PIAS2: variants seen among roughly 807,000 people sequenced by gnomAD.
PIAS2 encodes E3 SUMO-protein ligase PIAS2.
A neutral mutation model predicts 69.7 loss-of-function variants in PIAS2; 19 were observed. The observed-to-expected ratio is 0.27, with a 90% confidence interval of 0.19 to 0.40. The LOEUF (loss-of-function observed/expected upper bound fraction) is 0.40. Among genes scored for constraint, PIAS2 ranks in the 10% least tolerant of loss-of-function variants. The pLI is 1.00. For synonymous variants in PIAS2, 261 were observed against 263.2 expected, an observed-to-expected ratio of 0.99 and a Z score of 0.08; for missense variants, 624 against 757.0, an observed-to-expected ratio of 0.82 and a Z score of 2.06.
At chr18:46,821,641 A>G (rs2042193645) in intron 11 of PIAS2, among the ~76,000 whole-genome samples, 1 of 152,140 alleles carries the variant, frequency 6.6e-6, no homozygotes, top group Non-Finnish European at 1.5e-5. Context: ...AGAAACGAGG[A>G]TGAGTGTTCA....
intron 8 of PIAS2, among the ~76,000 whole-genome samples, chr18:46,837,781 T>C (rs528001841): frequency 6.6e-6 from 1 of 152,288 alleles, no homozygotes; most frequent in East Asian, 1.9e-4. Flanking sequence ...ATATATTTCC[T>C]TTACAGAAAA....
At chr18:46,818,563 T>A in intron 12 of PIAS2, 2 of 921,580 alleles carry the variant, frequency 2.2e-6, no homozygotes, top group Non-Finnish European at 2.8e-6. Flanking sequence ...TATAAATTAT[T>A]AAGTTTATCA....
chr18:46,864,491 C>T (rs1485118331), intron 2 of PIAS2, among the ~76,000 whole-genome samples: 1 of 152,170 alleles, frequency 6.6e-6, no homozygotes, highest in African/African-American at 2.4e-5. Flanking sequence ...CTAATGCAGG[C>T]TGGGTGCAGT....
At chr18:46,815,841 T>C (rs1237777439) in intron 12 of PIAS2, 2 of 990,030 alleles carry the variant, frequency 2.0e-6, no homozygotes, top group African/African-American at 1.7e-5. Flanking sequence ...GAGCAGTACA[T>C]AGTCCAACGC....
chr18:46,816,461 G>T, intron 12 of PIAS2: 1 of 983,904 alleles, frequency 1.0e-6, no homozygotes, highest in Non-Finnish European at 1.2e-6. Flanking sequence ...TTTGAAAATT[G>T]TTGCTACAGA....
At chr18:46,841,244 C>G (rs2045342692) in intron 8 of PIAS2, among the ~76,000 whole-genome samples, 1 of 152,242 alleles carries the variant, frequency 6.6e-6, no homozygotes, top group East Asian at 1.9e-4. Context: ...TTTGCTCCCA[C>G]TTTTCAGACT....
intron 2 of PIAS2, among the ~76,000 whole-genome samples, chr18:46,870,811 C>A (rs1010792100): frequency 6.6e-6 from 1 of 151,952 alleles, no homozygotes; most frequent in African/African-American, 2.4e-5. Context: ...AGTCTGGGAA[C>A]GTGAACATCC....
intron 2 of PIAS2, among the ~76,000 whole-genome samples, chr18:46,864,533 A>G (rs1436372839): frequency 2.0e-5 from 3 of 152,130 alleles, no homozygotes; most frequent in African/African-American, 7.2e-5. Context: ...CACTTTGGGA[A>G]GCCAAGGTGG....
intron 5 of PIAS2, 71 bp downstream of exon 5, chr18:46,855,274 C>T: frequency 5.5e-6 from 5 of 912,446 alleles, no homozygotes; most frequent in Admixed American, 2.2e-5. Context: ...GTCACTGTTG[C>T]ACTGTTTCTA....
At chr18:46,816,121 A>G in intron 12 of PIAS2, 1 of 984,696 alleles carries the variant, frequency 1.0e-6, no homozygotes, top group Non-Finnish European at 1.2e-6. Context: ...CTCTTTAATT[A>G]TTTCAAAACA....
intron 12 of PIAS2, among the ~76,000 whole-genome samples, chr18:46,819,338 G>C (rs942764759): frequency 3.2e-4 from 49 of 152,052 alleles, no homozygotes; most frequent in Admixed American, 6.6e-5. Flanking sequence ...ATTAGACTTT[G>C]TATATACTTT....
chr18:46,904,944 A>C (rs1239290494), intron 1 of PIAS2, among the ~76,000 whole-genome samples: 1 of 152,190 alleles, frequency 6.6e-6, no homozygotes, highest in Non-Finnish European at 1.5e-5. Context: ...AGAAAAATGA[A>C]AAACGAAACA....
chr18:46,829,459 T>C (rs1328368481), intron 10 of PIAS2, among the ~76,000 whole-genome samples: 1 of 152,262 alleles, frequency 6.6e-6, no homozygotes, highest in Non-Finnish European at 1.5e-5. Context: ...TTGTGACTTT[T>C]TGTTTTGTAA....
chr18:46,824,828 C>T (rs1397670713), intron 11 of PIAS2, among the ~76,000 whole-genome samples: 3 of 150,138 alleles, frequency 2.0e-5, no homozygotes, highest in African/African-American at 4.9e-5. Flanking sequence ...CATGGTAAAA[C>T]CCCATGTTTA....
chr18:46,858,888 C>T (rs1399398077), intron 3 of PIAS2, among the ~76,000 whole-genome samples: 1 of 152,088 alleles, frequency 6.6e-6, no homozygotes, highest in Non-Finnish European at 1.5e-5. Flanking sequence ...GGCCATGCTA[C>T]TCACCAGGAC....
intron 8 of PIAS2, among the ~76,000 whole-genome samples, chr18:46,840,820 T>C (rs1326919893): frequency 6.6e-6 from 1 of 152,224 alleles, no homozygotes; most frequent in Non-Finnish European, 1.5e-5. Flanking sequence ...TGAATGGTTA[T>C]CTAAGTAATG....
At chr18:46,826,305 T>C (rs2042843670) in intron 11 of PIAS2, among the ~76,000 whole-genome samples, 1 of 152,232 alleles carries the variant, frequency 6.6e-6, no homozygotes, top group African/African-American at 2.4e-5. Flanking sequence ...CCACTGTGTA[T>C]GTGCCATCCC....
intron 5 of PIAS2, among the ~76,000 whole-genome samples, chr18:46,850,416 G>C (rs954011411): frequency 6.6e-6 from 1 of 152,034 alleles, no homozygotes; most frequent in Non-Finnish European, 1.5e-5. Flanking sequence ...TGTTCTACTG[G>C]AGAAACCAGG....
chr18:46,917,253 G>T (rs888641192), intron 1 of PIAS2, 69 bp downstream of exon 1: 2 of 1,426,072 alleles, frequency 1.4e-6, no homozygotes, highest in Non-Finnish European at 1.9e-6. Flanking sequence ...GGCGGCCGGC[G>T]ACGTTGCGGT....
Sources: allele counts gnomAD v4.1 joint callset (sites outside exome capture counted in the v4.1 genomes callset), GRCh38; gene constraint gnomAD v4.1.1; transcripts MANE v1.5; gene names NCBI Gene and HGNC (gene_info 2026-07-23, HGNC 2026-07-21).